The following TANC2 variants were observed in gnomAD, a reference collection of about 807,000 sequenced individuals.
TANC2 encodes tetratricopeptide repeat, ankyrin repeat and coiled-coil containing 2.
TANC2 carries 26 observed loss-of-function variants against 210.5 expected under a neutral mutation model. The ratio of observed to expected loss-of-function variants is 0.12; its 90% CI spans 0.09 to 0.17. The LOEUF is 0.17. Ranked by LOEUF, TANC2 falls within the 10% of genes least tolerant of loss-of-function variation. The probability of loss-of-function intolerance (pLI) is 1.00; values close to 1 mark genes in which losing one functional copy is unlikely to be tolerated. For missense variants in TANC2, 2,129 were observed against 2,608.9 expected, an observed-to-expected ratio of 0.82 and a Z score of 4.01; for synonymous variants, 931 against 967.1, an observed-to-expected ratio of 0.96 and a Z score of 0.69.
intron 19 of TANC2, among the ~76,000 whole-genome samples, chr17:63,399,966 A>G (rs2048292607): frequency 6.6e-6 from 1 of 152,246 alleles, no homozygotes; most frequent in Admixed American, 6.5e-5. Context: ...AGTCCATGAC[A>G]GATTAAAGGA....
At chr17:63,166,935 TAAGA>T (rs2040229949) in intron 5 of TANC2, among the ~76,000 whole-genome samples, 1 of 150,368 alleles carries the variant, frequency 6.7e-6, no homozygotes, top group Admixed American at 6.6e-5. Flanking sequence ...GGGATAGGAA[TAAGA>T]AAGAGAAAAA....
intron 9 of TANC2, among the ~76,000 whole-genome samples, chr17:63,271,063 A>T (rs1018159545): frequency 2.0e-5 from 3 of 152,076 alleles, no homozygotes; most frequent in African/African-American, 7.2e-5. Context: ...TATCCAGTCT[A>T]CCATCAATGG....
chr17:63,021,535 G>A (rs1460811372), intron 2 of TANC2, among the ~76,000 whole-genome samples: 1 of 152,142 alleles, frequency 6.6e-6, no homozygotes, highest in Admixed American at 6.5e-5. Context: ...TCAACAGATG[G>A]GCCACCTGAT....
At chr17:63,394,546 G>A (rs2048093442) in intron 17 of TANC2, among the ~76,000 whole-genome samples, 1 of 152,182 alleles carries the variant, frequency 6.6e-6, no homozygotes, top group Non-Finnish European at 1.5e-5. Flanking sequence ...TTACAATTCA[G>A]ACCACTTAGC....
At chr17:63,168,591 A>C (rs2040294628) in intron 5 of TANC2, among the ~76,000 whole-genome samples, 3 of 152,222 alleles carry the variant, frequency 2.0e-5, no homozygotes, top group Admixed American at 6.5e-5. Flanking sequence ...GCATATACTT[A>C]AAAATTAGAA....
intron 2 of TANC2, among the ~76,000 whole-genome samples, chr17:63,063,827 T>C (rs1188408657): frequency 6.6e-6 from 1 of 152,142 alleles, no homozygotes; most frequent in East Asian, 1.9e-4. Context: ...ATCCAAAAAC[T>C]GTTCCACTGC....
At chr17:63,262,412 A>G (rs1413002705) in intron 8 of TANC2, among the ~76,000 whole-genome samples, 1 of 152,168 alleles carries the variant, frequency 6.6e-6, no homozygotes, top group Non-Finnish European at 1.5e-5. Context: ...TGGTCTTAAA[A>G]GTCCTGACCT....
At chr17:63,281,858 A>G (rs2044068864) in intron 9 of TANC2, among the ~76,000 whole-genome samples, 1 of 152,136 alleles carries the variant, frequency 6.6e-6, no homozygotes, top group Non-Finnish European at 1.5e-5. Context: ...AGTTGGAGTG[A>G]TAGAGCTGTA....
intron 10 of TANC2, among the ~76,000 whole-genome samples, chr17:63,318,590 T>C (rs1040493231): frequency 1.3e-5 from 2 of 152,242 alleles, no homozygotes; most frequent in Admixed American, 6.5e-5. Flanking sequence ...AATAGAATCA[T>C]ACAATATATG....
intron 11 of TANC2, among the ~76,000 whole-genome samples, chr17:63,329,920 G>T (rs1040094689): frequency 6.6e-5 from 10 of 152,170 alleles, no homozygotes; most frequent in Non-Finnish European, 1.3e-4. Context: ...AGTGAGGAAG[G>T]CATGTCAAAA....
At chr17:63,386,129 G>A (rs1005974288) in intron 15 of TANC2, among the ~76,000 whole-genome samples, 1 of 152,122 alleles carries the variant, frequency 6.6e-6, no homozygotes, top group Non-Finnish European at 1.5e-5. Flanking sequence ...TATATGCATA[G>A]GTGTATAAAG....
intron 4 of TANC2, among the ~76,000 whole-genome samples, chr17:63,112,471 C>T (rs559887938): frequency 1.4e-4 from 22 of 152,216 alleles, no homozygotes; most frequent in African/African-American, 5.3e-4. Context: ...TTCAACAGAT[C>T]TTTATGGAAT....
intron 9 of TANC2, among the ~76,000 whole-genome samples, chr17:63,299,418 A>G (rs972487004): frequency 1.3e-5 from 2 of 152,104 alleles, no homozygotes; most frequent in South Asian, 4.1e-4. Flanking sequence ...TTTTCTCCAC[A>G]GCCTCACCAG....
At chr17:63,300,141 T>C (rs1476079805) in intron 9 of TANC2, among the ~76,000 whole-genome samples, 1 of 152,206 alleles carries the variant, frequency 6.6e-6, no homozygotes, top group African/African-American at 2.4e-5. Context: ...CATTGGTCTG[T>C]ATGTATGTTT....
intron 4 of TANC2, among the ~76,000 whole-genome samples, chr17:63,103,112 T>TAAATAG (rs1201081872): frequency 0.014 from 2,156 of 152,296 alleles, 53 homozygotes; most frequent in African/African-American, 0.049. Flanking sequence ...CACATAGGTT[T>TAAATAG]TCCTGATCTT....
At chr17:63,220,658 C>G (rs1226576924) in intron 7 of TANC2, among the ~76,000 whole-genome samples, 1 of 145,342 alleles carries the variant, frequency 6.9e-6, no homozygotes, top group Non-Finnish European at 1.5e-5. Flanking sequence ...GAGCTGAGAT[C>G]GCGCCACTGC....
chr17:62,985,990 T>C (rs1307398708), intron 1 of TANC2, among the ~76,000 whole-genome samples: 1 of 152,182 alleles, frequency 6.6e-6, no homozygotes, highest in Admixed American at 6.5e-5. Flanking sequence ...CTCTTCCAAT[T>C]TTATGGAGTA....
chr17:63,272,317 G>A (rs183812931), intron 9 of TANC2, among the ~76,000 whole-genome samples: 14 of 152,118 alleles, frequency 9.2e-5, no homozygotes, highest in Admixed American at 7.9e-4. Flanking sequence ...TGGTCTATGC[G>A]TCTGTTTGTA....
At chr17:63,000,792 C>T (rs548675256) in intron 1 of TANC2, among the ~76,000 whole-genome samples, 104 of 152,172 alleles carry the variant, frequency 6.8e-4, no homozygotes, top group Non-Finnish European at 1.3e-3. Flanking sequence ...ACCAAACTGC[C>T]TTCTCCCACT....
Sources: allele counts gnomAD v4.1 joint callset (sites outside exome capture counted in the v4.1 genomes callset), GRCh38; gene constraint gnomAD v4.1.1; transcripts MANE v1.5; gene names NCBI Gene and HGNC (gene_info 2026-07-23, HGNC 2026-07-21).